DAB1: variants seen among roughly 807,000 people sequenced by gnomAD.
DAB1 encodes DAB adaptor protein 1, also known as disabled homolog 1.
Under a neutral mutation model 64.6 loss-of-function variants are expected in DAB1, and 15 were observed. The observed-to-expected ratio is 0.23, with a 90% CI of 0.16 to 0.36. DAB1 has a LOEUF of 0.36. Among genes scored for constraint, DAB1 ranks in the 10% least tolerant of loss-of-function variants. The pLI is 1.00. For synonymous variants in DAB1, 235 were observed against 251.9 expected, an observed-to-expected ratio of 0.93 and a Z score of 0.64; for missense variants, 596 against 706.7, an observed-to-expected ratio of 0.84 and a Z score of 1.78.
chr1:57,426,371 G>T (rs1685286270), upstream of DAB1, among the ~76,000 whole-genome samples: 1 of 152,012 alleles, frequency 6.6e-6, no homozygotes, highest in Non-Finnish European at 1.5e-5. Context: ...CTCAAATCCG[G>T]GCATAACATG....
At chr1:58,506,173 G>C (rs773802689) in exon 3 of DAB1, 1 of 871,938 alleles carries the variant, frequency 1.1e-6, no homozygotes. Context: ...TCCATTTGCT[G>C]CCAAAACACT....
chr1:57,825,123 T>A (rs1652288172), downstream of DAB1, among the ~76,000 whole-genome samples: 1 of 152,210 alleles, frequency 6.6e-6, no homozygotes, highest in Non-Finnish European at 1.5e-5. Context: ...ATTGAAGATC[T>A]TTACAATTTT....
chr1:58,213,726 CT>C (rs1290048226), intron 4 of DAB1, among the ~76,000 whole-genome samples: 2 of 152,162 alleles, frequency 1.3e-5, no homozygotes, highest in African/African-American at 4.8e-5. Flanking sequence ...AGCCAACTTC[CT>C]TTCTTGAATT....
At chr1:57,169,791 G>A (rs1382689147) in intron 2 of DAB1, among the ~76,000 whole-genome samples, 2 of 151,972 alleles carry the variant, frequency 1.3e-5, no homozygotes, top group African/African-American at 4.8e-5. Flanking sequence ...CTTTTCCCCT[G>A]ATGTTTCCTC....
At chr1:58,414,232 C>CCAGT (rs10641022) in intron 3 of DAB1, among the ~76,000 whole-genome samples, 2,357 of 152,232 alleles carry the variant, frequency 0.015, 65 homozygotes, top group African/African-American at 0.055. Context: ...ACTCAATGGC[C>CCAGT]CAGTCCCCAA....
At chr1:58,386,527 G>A (rs375988991) in intron 3 of DAB1, among the ~76,000 whole-genome samples, 5 of 152,120 alleles carry the variant, frequency 3.3e-5, no homozygotes, top group East Asian at 3.9e-4. Context: ...GAAAGAACAA[G>A]CAGAGAGGGT....
At chr1:57,063,238 G>A (rs890552763) in intron 8 of DAB1, among the ~76,000 whole-genome samples, 4 of 151,404 alleles carry the variant, frequency 2.6e-5, no homozygotes, top group South Asian at 2.1e-4. Context: ...GAAGTCATGC[G>A]GTAAAAAAAA....
intron 4 of DAB1, among the ~76,000 whole-genome samples, chr1:57,130,630 T>C (rs1397489340): frequency 1.3e-5 from 2 of 151,776 alleles, no homozygotes; most frequent in Admixed American, 1.3e-4. Context: ...CTGGGGGATA[T>C]TATGTTAAGT....
At chr1:57,938,030 G>A (rs1198179523) in intron 5 of DAB1, among the ~76,000 whole-genome samples, 4 of 152,236 alleles carry the variant, frequency 2.6e-5, no homozygotes, top group Admixed American at 6.5e-5. Context: ...CATGTTCAGA[G>A]AACATTCTGG....
intron 7 of DAB1, among the ~76,000 whole-genome samples, chr1:57,625,318 T>C (rs1645909109): frequency 6.6e-6 from 1 of 152,132 alleles, no homozygotes; most frequent in Non-Finnish European, 1.5e-5. Context: ...CTCTCTGTAT[T>C]TCCTCTCTCT....
intron 5 of DAB1, among the ~76,000 whole-genome samples, chr1:57,989,100 G>A (rs1646288676): frequency 6.6e-6 from 1 of 152,114 alleles, no homozygotes; most frequent in Non-Finnish European, 1.5e-5. Flanking sequence ...CTAGCTATGT[G>A]GCCTTGGACA....
intron 5 of DAB1, among the ~76,000 whole-genome samples, chr1:57,903,485 C>A (rs1169572653): frequency 6.6e-6 from 1 of 152,096 alleles, no homozygotes; most frequent in Admixed American, 6.6e-5. Context: ...GAGGAAAAAA[C>A]TGGAGTCTTC....
intron 3 of DAB1, among the ~76,000 whole-genome samples, chr1:58,379,000 C>G (rs1272075806): frequency 6.7e-6 from 1 of 148,354 alleles, no homozygotes; most frequent in African/African-American, 2.5e-5. Context: ...TGACCCCTTG[C>G]GCTTCCCAGG....
intron 5 of DAB1, among the ~76,000 whole-genome samples, chr1:57,902,615 G>A (rs893700642): frequency 1.3e-5 from 2 of 152,016 alleles, no homozygotes; most frequent in Non-Finnish European, 2.9e-5. Context: ...TTTTCTCCAG[G>A]ACACATACAG....
chr1:57,851,296 C>A (rs1361408070), intron 1 of DAB1, among the ~76,000 whole-genome samples: 3 of 152,170 alleles, frequency 2.0e-5, no homozygotes, highest in Non-Finnish European at 2.9e-5. Context: ...GTTGTTGTTT[C>A]CTGATTCTTG....
intron 9 of DAB1, among the ~76,000 whole-genome samples, chr1:57,057,808 C>CCT (rs1478857185): frequency 4.0e-5 from 6 of 151,686 alleles, no homozygotes; most frequent in Admixed American, 6.6e-5. Flanking sequence ...CGGGGTTTCA[C>CCT]TGTATTAGCC....
chr1:57,341,701 C>T (rs1417110399), intron 1 of DAB1, among the ~76,000 whole-genome samples: 3 of 152,130 alleles, frequency 2.0e-5, no homozygotes, highest in African/African-American at 7.2e-5. Context: ...AAACTGATCT[C>T]GTCTGCTGTA....
Position 57,291,154 on chromosome 1 carries a change from C to T in DAB1, c.-124G>A, listed in dbSNP as rs1315634615. On this transcript the variant is annotated 5_prime_UTR_variant, in exon 2 of 15. It adds an upstream start codon to the 5' untranslated region. Transcript: ENST00000371236. ...CACTCTGAGCTGCACATTTCATTCA[C>T]TCTTTTTGAGTGCTGCAAATCAAGG... 3 of 520,922 alleles carry T rather than the reference C, an allele frequency of 5.8e-6. No individual in the cohort carries two copies. The allele number at this position is 520,922 out of a possible 1,614,324, so 32.3% of individuals were successfully genotyped here.
chr1:58,071,359 G>A (rs2100571523), intron 5 of DAB1, among the ~76,000 whole-genome samples: 1 of 118,028 alleles, frequency 8.5e-6, no homozygotes, highest in South Asian at 3.7e-4. Context: ...CATCAAAGGA[G>A]AATGGTGTGT....
Sources: gnomAD v4.1 joint callset for allele counts (sites outside exome capture counted in the v4.1 genomes callset) on GRCh38, gnomAD v4.1.1 for gene constraint, MANE v1.5 for transcripts, NCBI Gene and HGNC (gene_info 2026-07-23, HGNC 2026-07-21) for gene names.